Variants in CCDC172 observed in about 807,000 individuals in gnomAD.
CCDC172 encodes coiled-coil domain containing 172, also known as coiled-coil domain-containing protein 172.
CCDC172 carries 30 observed loss-of-function variants against 38.0 expected under a neutral mutation model. The ratio of observed to expected loss-of-function variants is 0.79; its 90% CI spans 0.59 to 1.07. CCDC172 has a LOEUF of 1.07. Among genes scored for constraint, CCDC172 ranks in the 50% least tolerant of loss-of-function variants. CCDC172 has a pLI of 0.00. For missense variants in CCDC172, 297 were observed against 290.1 expected, an observed-to-expected ratio of 1.02 and a Z score of -0.17; for synonymous variants, 78 against 88.3, an observed-to-expected ratio of 0.88 and a Z score of 0.66.
chr10:116,354,057 C>T (rs958270909), intron 5 of CCDC172, among the ~76,000 whole-genome samples: 6 of 152,186 alleles, frequency 3.9e-5, no homozygotes, highest in Non-Finnish European at 1.5e-5. Flanking sequence ...CACATAACAG[C>T]ATTTCAGTCT....
chr10:116,353,178 G>A (rs1257285237), intron 5 of CCDC172, among the ~76,000 whole-genome samples: 1 of 148,174 alleles, frequency 6.7e-6, no homozygotes, highest in African/African-American at 2.6e-5. Context: ...GGGCGACAGA[G>A]CGAGACTCCA....
intron 6 of CCDC172, 131 bp downstream of exon 6, chr10:116,357,612 G>C (rs1049209579): frequency 4.6e-6 from 4 of 872,428 alleles, no homozygotes; most frequent in African/African-American, 3.6e-5. Context: ...AAAAGAAATA[G>C]ATAAAACACT....
intron 4 of CCDC172, among the ~76,000 whole-genome samples, chr10:116,341,318 A>T (rs2134921968): frequency 6.6e-6 from 1 of 152,208 alleles, no homozygotes; most frequent in East Asian, 1.9e-4. Flanking sequence ...ACATTTAAAG[A>T]TATTAAAAAT....
intron 7 of CCDC172, among the ~76,000 whole-genome samples, chr10:116,360,737 C>T (rs901406181): frequency 1.3e-5 from 2 of 152,046 alleles, no homozygotes; most frequent in Admixed American, 6.6e-5. Flanking sequence ...CCTCAGAGAG[C>T]GTGTTTTCCC....
intron 5 of CCDC172, among the ~76,000 whole-genome samples, chr10:116,355,171 C>T (rs1231787130): frequency 1.3e-5 from 2 of 152,190 alleles, no homozygotes; most frequent in Non-Finnish European, 2.9e-5. Flanking sequence ...CATTGACTCA[C>T]TCAAAGCAAC....
intron 5 of CCDC172, among the ~76,000 whole-genome samples, chr10:116,343,100 GA>G (rs1844816290): frequency 6.6e-6 from 1 of 152,076 alleles, no homozygotes; most frequent in African/African-American, 2.4e-5. Context: ...GCCAAGTAGG[GA>G]AAGTCAAGGA....
intron 5 of CCDC172, among the ~76,000 whole-genome samples, chr10:116,343,516 T>A (rs1200086441): frequency 0.043 from 25 of 584 alleles, no homozygotes; most frequent in Non-Finnish European, 0.13. Context: ...TGATCATTCG[T>A]TTTTTTTTTT....
intron 5 of CCDC172, among the ~76,000 whole-genome samples, chr10:116,356,413 A>AGGAAGGAAGGAAGG (rs371124890): frequency 6.6e-6 from 1 of 151,726 alleles, no homozygotes; most frequent in African/African-American, 2.4e-5. Flanking sequence ...GAAGGAAGGA[A>AGGAAGGAAGGAAGG]ACCTGATATG....
chr10:116,332,901 A>G (rs747939661), intron 3 of CCDC172, among the ~76,000 whole-genome samples: 19 of 152,128 alleles, frequency 1.2e-4, no homozygotes, highest in Non-Finnish European at 2.4e-4. Flanking sequence ...TATCCTTTAC[A>G]TCCCTAATTC....
chr10:116,378,001 C>T (rs778396693), intron 7 of CCDC172, among the ~76,000 whole-genome samples: 23 of 152,082 alleles, frequency 1.5e-4, no homozygotes, highest in Non-Finnish European at 2.4e-4. Flanking sequence ...GCCAACATGG[C>T]GAAACCCCAT....
At chr10:116,342,570 A>T (rs892695600) in intron 5 of CCDC172, among the ~76,000 whole-genome samples, 2 of 152,184 alleles carry the variant, frequency 1.3e-5, no homozygotes, top group African/African-American at 4.8e-5. Context: ...ATCCTCTAAC[A>T]ATCCAGGAGA....
intron 8 of CCDC172, among the ~76,000 whole-genome samples, 194 bp downstream of exon 8, chr10:116,378,704 C>T (rs998978106): frequency 6.6e-6 from 1 of 151,988 alleles, no homozygotes; most frequent in African/African-American, 2.4e-5. Flanking sequence ...TTAGGTGCTA[C>T]ATGAAGCAAA....
chr10:116,329,413 G>A (rs1317690762), intron 3 of CCDC172, among the ~76,000 whole-genome samples: 4 of 152,004 alleles, frequency 2.6e-5, no homozygotes, highest in African/African-American at 7.2e-5. Context: ...TGCTTGAAAT[G>A]CTGATTCCAT....
At chr10:116,326,866 G>A (rs995493333) in intron 3 of CCDC172, among the ~76,000 whole-genome samples, 1 of 152,156 alleles carries the variant, frequency 6.6e-6, no homozygotes, top group Non-Finnish European at 1.5e-5. Flanking sequence ...GTTATTCAGT[G>A]AGATCCTTCC....
At position 116,378,516 on chromosome 10, in the gene CCDC172, T is replaced by G; in HGVS notation, c.741+6T>G. On this transcript the variant is annotated splice_donor_region_variant and intron_variant, in intron 8 of 8. Coordinates refer to ENST00000333254, the MANE Select transcript of CCDC172 (RefSeq NM_198515.3). ...AAATAGAATTTTTGGAGTTGGTAAG[T>G]TATCATTGATTGTTTAACTTTTGTT... 1 of 1,593,108 alleles carries G rather than the reference T, an allele frequency of 6.3e-7. No homozygotes were observed. The highest frequency in any genetic ancestry group is 1.1e-5 in the South Asian group (1 of 87,824).
rs549296518 is a variant in CCDC172 at position 116,331,948 on chromosome 10, A to T, written c.165+6560A>T. Among the ~76,000 whole-genome samples, 6 of 152,266 alleles carry T rather than the reference A, an allele frequency of 3.9e-5. No homozygotes were observed. The East Asian group carries it at 1.2e-3, about 29-fold the overall frequency. Reference sequence around the variant, plus strand: ...TGACTCGTTTTCCACTCATGGCTCAATGGGATATAGCTCACTTATACACTG... The same window carrying T: ...TGACTCGTTTTCCACTCATGGCTCATTGGGATATAGCTCACTTATACACTG... On this transcript the variant is annotated intron_variant, in intron 3 of 8. Coordinates refer to ENST00000333254, the MANE Select transcript of CCDC172 (RefSeq NM_198515.3).
chr10:116,378,438 A>T lies in CCDC172; in HGVS notation c.669A>T (p.Leu223Phe), dbSNP rs1485198573. Residue 223 changes from leucine to phenylalanine, a missense_variant, in exon 8 of 9, where the codon TTA becomes TTT. By Grantham distance (22) the Leu-to-Phe change is conservative. Transcript: ENST00000333254. Reference sequence around the variant, plus strand: ...TTTAAAATAGACTTAAAAAAGAATTAGAACTTTATAAGGAAGATGACATGG... The same window carrying T: ...TTTAAAATAGACTTAAAAAAGAATTTGAACTTTATAAGGAAGATGACATGG... Reference protein sequence around the residue: ...DTECLRLKKELELYKEDDMES... With the variant: ...DTECLRLKKEFELYKEDDMES... 1.3e-6 allele frequency: 2 copies of T among 1,594,898 alleles called. No individual in the cohort carries two copies. Among genetic ancestry groups the T allele is most frequent in the Non-Finnish European group, 1.7e-6 (2 of 1,173,240 alleles).
intron 7 of CCDC172, among the ~76,000 whole-genome samples, chr10:116,376,637 A>G (rs766481028): frequency 6.6e-6 from 1 of 152,200 alleles, no homozygotes; most frequent in Non-Finnish European, 1.5e-5. Flanking sequence ...CTTGTATGAT[A>G]TTAGTACAAT....
chr10:116,342,019 T>C lies in CCDC172; in HGVS notation c.283-17T>C. ...GCAACTAACACCTATATTTGATCTT[T>C]TATTTATGTTTTTCAGGAGGCTATA... On this transcript the variant is annotated splice_polypyrimidine_tract_variant and intron_variant, in intron 4 of 8. Coordinates refer to ENST00000333254, the MANE Select transcript of CCDC172 (RefSeq NM_198515.3). 6.9e-7 allele frequency: 1 copy of C among 1,445,946 alleles called. No individual in the cohort carries two copies. The highest frequency in any genetic ancestry group is 9.2e-7 in the Non-Finnish European group (1 of 1,084,726). The allele number at this position is 1,445,946 out of a possible 1,614,324, so 89.6% of individuals were successfully genotyped here.
Sources: allele counts gnomAD v4.1 joint callset (sites outside exome capture counted in the v4.1 genomes callset), GRCh38; gene constraint gnomAD v4.1.1; transcripts MANE v1.5; gene names NCBI Gene and HGNC (gene_info 2026-07-23, HGNC 2026-07-21).